S100A8: variants seen among roughly 807,000 people sequenced by gnomAD.
S100A8 encodes the protein protein S100-A8.
In S100A8, 1 loss-of-function variant was observed where a neutral mutation model predicts 4.2. The ratio of observed to expected loss-of-function variants is 0.24; its 90% confidence interval spans 0.08 to 1.12. The LOEUF (loss-of-function observed/expected upper bound fraction) is 1.12. S100A8 is among the 50% of genes most tolerant of loss of function. The pLI, the probability that S100A8 is intolerant of heterozygous loss-of-function variation, is 0.53. For synonymous variants in S100A8, 41 were observed against 44.7 expected, an observed-to-expected ratio of 0.92 and a Z score of 0.33; for missense variants, 96 against 111.8, an observed-to-expected ratio of 0.86 and a Z score of 0.64.
At chr1:153,392,801 T>G (rs1662132153), upstream of S100A8, among the ~76,000 whole-genome samples, 1 of 151,504 alleles carries the variant, frequency 6.6e-6, no homozygotes, top group South Asian at 2.1e-4. Flanking sequence ...TAGCAGGGAG[T>G]CTTTCACCCT....
the S100A8 span, among the ~76,000 whole-genome samples, chr1:153,404,331 T>C: frequency 0.085 from 12,928 of 152,268 alleles, 639 homozygotes; most frequent in Middle Eastern, 0.12. Flanking sequence ...GGAGGCCCAG[T>C]GTGGGGCTGA....
chr1:153,391,101 T>C (rs1662086434), upstream of S100A8: 4 of 985,790 alleles, frequency 4.1e-6, no homozygotes, highest in Non-Finnish European at 4.8e-6. Context: ...CTCCTTTTTA[T>C]AGCGGTTAGG....
the S100A8 span, among the ~76,000 whole-genome samples, chr1:153,400,624 C>A: frequency 6.6e-6 from 1 of 152,182 alleles, no homozygotes; most frequent in Non-Finnish European, 1.5e-5. Context: ...ATCTACTCAA[C>A]ATAAAGATTT....
chr1:153,411,433 C>G, the S100A8 span, among the ~76,000 whole-genome samples: 1 of 152,066 alleles, frequency 6.6e-6, no homozygotes, highest in Non-Finnish European at 1.5e-5. Context: ...GGGATGCGAA[C>G]AACCTCTTCA....
chr1:153,391,119 A>T (rs1662087079), upstream of S100A8: 1 of 985,524 alleles, frequency 1.0e-6, no homozygotes, highest in Non-Finnish European at 1.2e-6. Flanking sequence ...AGGCTTGGCC[A>T]GCTGCCCACA....
At chr1:153,399,892 G>T in the S100A8 span, among the ~76,000 whole-genome samples, 1 of 152,200 alleles carries the variant, frequency 6.6e-6, no homozygotes, top group Non-Finnish European at 1.5e-5. Context: ...AAAGAGCGCG[G>T]CCCCCTCAGG....
At chr1:153,401,896 G>C in the S100A8 span, among the ~76,000 whole-genome samples, 1 of 151,862 alleles carries the variant, frequency 6.6e-6, no homozygotes, top group African/African-American at 2.4e-5. Flanking sequence ...TCTTACCAGT[G>C]TATATCTATT....
chr1:153,406,488 T>C, the S100A8 span, among the ~76,000 whole-genome samples: 1 of 151,942 alleles, frequency 6.6e-6, no homozygotes, highest in African/African-American at 2.4e-5. Flanking sequence ...AGAGCATTGC[T>C]CAAAGCATGG....
the S100A8 span, chr1:153,418,062 G>A: frequency 6.2e-7 from 1 of 1,613,330 alleles, no homozygotes; most frequent in Non-Finnish European, 8.5e-7. Flanking sequence ...TTTATTTCCT[G>A]AAGGCTTTTT....
chr1:153,408,814 G>GA, the S100A8 span, among the ~76,000 whole-genome samples: 1 of 152,170 alleles, frequency 6.6e-6, no homozygotes, highest in East Asian at 1.9e-4. Flanking sequence ...GAGAGTCGGG[G>GA]CCAATATTCA....
the S100A8 span, among the ~76,000 whole-genome samples, chr1:153,396,153 A>G: frequency 1.3e-5 from 2 of 152,210 alleles, no homozygotes; most frequent in South Asian, 4.1e-4. Flanking sequence ...CTCCCATCCA[A>G]TATAAACTCC....
chr1:153,418,304 G>A, the S100A8 span: 60 of 1,568,732 alleles, frequency 3.8e-5, no homozygotes, highest in Middle Eastern at 1.7e-4. Flanking sequence ...CCTTGGACAG[G>A]TCACCCTCAT....
the S100A8 span, among the ~76,000 whole-genome samples, chr1:153,400,720 A>G: frequency 1.4e-4 from 21 of 152,332 alleles, no homozygotes; most frequent in African/African-American, 3.8e-4. Context: ...GCCAAGCTAG[A>G]GCTACAAAAA....
chr1:153,412,426 A>G, the S100A8 span, among the ~76,000 whole-genome samples: 1 of 152,240 alleles, frequency 6.6e-6, no homozygotes, highest in African/African-American at 2.4e-5. Flanking sequence ...CAAAACTACA[A>G]TGAGATACCA....
At chr1:153,415,719 G>C in the S100A8 span, among the ~76,000 whole-genome samples, 2 of 116,354 alleles carry the variant, frequency 1.7e-5, no homozygotes, top group African/African-American at 6.8e-5. Flanking sequence ...GGGGCGGGGG[G>C]GGCGGGGGTC....
At chr1:153,391,155 T>A, upstream of S100A8, 1 of 985,516 alleles carries the variant, frequency 1.0e-6, no homozygotes, top group Non-Finnish European at 1.2e-6. Context: ...AGACAGCTTC[T>A]CCCTGCCAGA....
chr1:153,422,493 T>C, the S100A8 span: 1 of 983,738 alleles, frequency 1.0e-6, no homozygotes, highest in African/African-American at 1.7e-5. Context: ...GAAAGAATAC[T>C]TGACAGCTCT....
At chr1:153,414,883 T>C in the S100A8 span, among the ~76,000 whole-genome samples, 19 of 152,294 alleles carry the variant, frequency 1.2e-4, no homozygotes, top group African/African-American at 4.6e-4. Context: ...TAACACGCAT[T>C]GTACCCACTA....
chr1:153,404,529 C>G, the S100A8 span, among the ~76,000 whole-genome samples: 1 of 152,130 alleles, frequency 6.6e-6, no homozygotes, highest in East Asian at 1.9e-4. Context: ...TTCAGACGCT[C>G]GGTGTCAGGA....
Sources: gnomAD v4.1 joint callset for allele counts (sites outside exome capture counted in the v4.1 genomes callset) on GRCh38, gnomAD v4.1.1 for gene constraint, MANE v1.5 for transcripts, NCBI Gene and HGNC (gene_info 2026-07-23, HGNC 2026-07-21) for gene names.